The following PCDHGA7 variants were observed in gnomAD, a reference collection of about 807,000 sequenced individuals.
PCDHGA7 encodes the protein protocadherin gamma subfamily A, 7.
In PCDHGA7, 44 loss-of-function variants were observed where a neutral mutation model predicts 58.3. That is an observed-to-expected ratio of 0.75 (90% CI 0.59 to 0.97). The LOEUF is 0.97. PCDHGA7 is among the 50% of genes least tolerant of loss of function. The pLI is 0.00. For missense variants in PCDHGA7, 1,266 were observed against 1,188.7 expected (o/e 1.06, Z -0.96); for synonymous variants, 516 against 504.2 (o/e 1.02, Z -0.31).
At position 141,432,640 on chromosome 5, in the gene PCDHGA7, C is replaced by T. The variant is rs2097523683; in HGVS notation, c.2424+47317C>T. On this transcript the variant is annotated intron_variant, in intron 1 of 3. Transcript: ENST00000518325. This position sits in a 1 kb window ranked among gnomAD's most constrained non-coding sequence, Gnocchi z 6.0. ...TGGGTCTGCACACGGGCGAGGTGCG[C>T]ACGGCGCGAGCCCTGCTGGACAGAG... 1.9e-6 allele frequency: 3 copies of T among 1,613,814 alleles called. No individual in the cohort carries two copies. The highest frequency in any genetic ancestry group is 2.5e-6 in the Non-Finnish European group (3 of 1,179,932).
chr5:141,397,967 C>T (rs931333276), intron 1 of PCDHGA7: 2 of 1,110,472 alleles, frequency 1.8e-6, no homozygotes, highest in Non-Finnish European at 2.5e-6. Context: ...CTCAGACTCC[C>T]CAGCGCCGGC....
Position 141,382,996 on chromosome 5 carries a change from T to C in PCDHGA7, c.97T>C (p.Tyr33His), listed in dbSNP as rs1296495835. ...PWEAWAGRILYSVSEETDKGS... is the reference protein window; with the variant it reads ...PWEAWAGRILHSVSEETDKGS... Reference sequence around the variant, plus strand: ...GGAAGCCTGGGCAGGACGTATTCTCTACTCCGTGTCGGAGGAGACGGACAA... The same window carrying C: ...GGAAGCCTGGGCAGGACGTATTCTCCACTCCGTGTCGGAGGAGACGGACAA... The change falls in exon 1 of 4, where the codon TAC becomes CAC. Residue 33 changes from tyrosine (Y) to histidine (H), a missense_variant. By Grantham distance (83) the Tyr-to-His change is moderately conservative (BLOSUM62 2). Transcript: ENST00000518325. 6.2e-7 allele frequency: 1 copy of C among 1,613,724 alleles called. No homozygotes were observed. Among genetic ancestry groups the C allele is most frequent in the East Asian group, 2.2e-5 (1 of 44,876 alleles).
chr5:141,458,624 C>G (rs1382508302), intron 1 of PCDHGA7, among the ~76,000 whole-genome samples: 1 of 152,082 alleles, frequency 6.6e-6, no homozygotes, highest in East Asian at 1.9e-4. Context: ...GGCTGGAGTG[C>G]AGTGGCACAA....
intron 1 of PCDHGA7, among the ~76,000 whole-genome samples, chr5:141,461,764 C>T (rs1005862192): frequency 6.6e-6 from 1 of 152,118 alleles, no homozygotes; most frequent in East Asian, 1.9e-4. Context: ...AGCGATTCTC[C>T]TGCCTCAGCC....
In PCDHGA7 at chr5:141,477,200, C is replaced by A; in HGVS notation, c.2425-17607C>A. On this transcript the variant is annotated intron_variant, in intron 1 of 3. Transcript: ENST00000518325. The surrounding 1 kb of genome is among the most constrained non-coding windows in gnomAD (Gnocchi z 4.9). The stretch of plus-strand genomic sequence containing the variant: ...AGTCACCTCCGTGTACAGCCCAGTA[C>A]CCGAGGATGCCCCTCTGGGGACTGT... 6.2e-7 allele frequency: 1 copy of A among 1,614,206 alleles called. No homozygotes were observed. Among genetic ancestry groups the A allele is most frequent in the South Asian group, 1.1e-5 (1 of 91,088 alleles).
rs1043628660 is a variant in PCDHGA7, at chr5:141,478,879, G to A, written c.2425-15928G>A. On this transcript the variant is annotated intron_variant, in intron 1 of 3. Coordinates refer to ENST00000518325, the MANE Select transcript of PCDHGA7 (RefSeq NM_018920.4). ...GATCTCAGCGATCAGAGTTTAGCTT[G>A]GTATCATTTACATTAGGAATAAGCT... is the stretch of plus-strand genomic sequence containing the variant. 9 of 1,243,630 alleles carry A rather than the reference G, an allele frequency of 7.2e-6. No homozygotes were observed. The African/African-American group carries it at 1.1e-4, about 15-fold the overall frequency. The allele number at this position is 1,243,630 out of a possible 1,614,324, so 77.0% of individuals were successfully genotyped here.
At chr5:141,387,036 C>G (rs1026680473) in intron 1 of PCDHGA7, among the ~76,000 whole-genome samples, 1 of 152,116 alleles carries the variant, frequency 6.6e-6, no homozygotes, top group Non-Finnish European at 1.5e-5. Flanking sequence ...ATTTCATAAC[C>G]AGTAAAATAA....
chr5:141,429,528 A>T (rs1405050386), intron 1 of PCDHGA7, among the ~76,000 whole-genome samples: 1 of 152,166 alleles, frequency 6.6e-6, no homozygotes, highest in African/African-American at 2.4e-5. Context: ...AAAAAAGCTT[A>T]AAAAAATAAG....
At position 141,485,291 on chromosome 5, in the gene PCDHGA7, C is replaced by A. The variant is rs114678203; in HGVS notation, c.2425-9516C>A. 436 of 1,614,150 alleles carry A rather than the reference C, an allele frequency of 2.7e-4. No homozygotes were observed. Among genetic ancestry groups the A allele is most frequent in the Middle Eastern group, 8.2e-4 (5 of 6,062 alleles). Reference sequence around the variant, plus strand: ...CCGCTACCCGGTCCCAGAGGAGTCACAGGAAGGGACTTTTGTAGGGAATGT... The same window carrying A: ...CCGCTACCCGGTCCCAGAGGAGTCAAAGGAAGGGACTTTTGTAGGGAATGT... On this transcript the variant is annotated intron_variant, in intron 1 of 3. Coordinates refer to ENST00000518325, the MANE Select transcript of PCDHGA7 (RefSeq NM_018920.4). The surrounding 1 kb of genome is among the most constrained non-coding windows in gnomAD (Gnocchi z 5.7).
intron 3 of PCDHGA7, among the ~76,000 whole-genome samples, chr5:141,506,038 G>C (rs2099850248): frequency 6.6e-6 from 1 of 152,174 alleles, no homozygotes; most frequent in South Asian, 2.1e-4. Context: ...GTAGGATTCT[G>C]GTTTTCCCAT....
At chr5:141,421,880 G>C in intron 1 of PCDHGA7, 1 of 1,613,718 alleles carries the variant, frequency 6.2e-7, no homozygotes, top group Admixed American at 1.7e-5. Flanking sequence ...GCTTTAGATG[G>C]AGGCGATCCC....
Position 141,384,715 on chromosome 5 carries a change from T to C in PCDHGA7, c.1816T>C (p.Tyr606His). 1 of 1,614,088 alleles carries C rather than the reference T, an allele frequency of 6.2e-7. No homozygotes were observed. Residue 606 changes from tyrosine to histidine, a missense_variant, in exon 1 of 4, where the codon TAC (tyrosine) becomes CAC (histidine). Coordinates refer to ENST00000518325, the MANE Select transcript of PCDHGA7 (RefSeq NM_018920.4). ...KDSGQNAWLSYLLLKASEPGL... is the reference protein window; with the variant it reads ...KDSGQNAWLSHLLLKASEPGL... ...TTCAGGCCAGAACGCCTGGCTGTCA[T>C]ACCTCCTGCTTAAGGCCAGCGAGCC... is the stretch of plus-strand genomic sequence containing the variant.
At chr5:141,459,606 T>G (rs1430790771) in intron 1 of PCDHGA7, among the ~76,000 whole-genome samples, 1 of 152,250 alleles carries the variant, frequency 6.6e-6, no homozygotes, top group Non-Finnish European at 1.5e-5. Context: ...GGGAAGTATA[T>G]GCTTAACTTT....
intron 1 of PCDHGA7, among the ~76,000 whole-genome samples, chr5:141,430,247 G>T (rs1003479541): frequency 9.7e-6 from 1 of 102,928 alleles, no homozygotes; most frequent in Non-Finnish European, 1.8e-5. Flanking sequence ...AACTCCTAGG[G>T]AGACATCTCC....
chr5:141,422,062 A>C, intron 1 of PCDHGA7: 4 of 1,612,140 alleles, frequency 2.5e-6, no homozygotes, highest in Non-Finnish European at 3.4e-6. Context: ...CGGGGAAGTA[A>C]TGTATTCATT....
intron 1 of PCDHGA7, chr5:141,395,547 TGTGTGTGTGTGTGTGTGTGTGTGTGTG>T: frequency 5.8e-6 from 1 of 173,894 alleles, no homozygotes; most frequent in Non-Finnish European, 1.2e-5. Flanking sequence ...ATTGTTTGTG[TGTGTGTGTGTGTGTGTGTGTGTGTGTG>T]TGTGTGTGTG....
rs547284271 is a variant in PCDHGA7 at position 141,489,064 on chromosome 5, C to G, written c.2425-5743C>G. On this transcript the variant is annotated intron_variant, in intron 1 of 3. Coordinates refer to ENST00000518325, the MANE Select transcript of PCDHGA7 (RefSeq NM_018920.4). This position sits in a 1 kb window ranked among gnomAD's most constrained non-coding sequence, Gnocchi z 4.5. ...TCCACTCAAATTCAGCTCCCCTCCC[C>G]CCTGCCCACCCCCGCCACTCGGTGA... 1.9e-4 allele frequency: 74 copies of G among 387,742 alleles called. No homozygotes were observed. The highest frequency in any genetic ancestry group is 1.5e-3 in the African/African-American group (70 of 47,296). The allele number at this position is 387,742 out of a possible 1,614,324, so 24.0% of individuals were successfully genotyped here. A position where few individuals can be genotyped will look rare whatever the true frequency, so the allele number is the denominator to read the frequency against.
intron 1 of PCDHGA7, chr5:141,418,233 ATGT>A: frequency 6.2e-7 from 1 of 1,614,048 alleles, no homozygotes; most frequent in Admixed American, 1.7e-5. Context: ...GTGATTGAGG[ATGT>A]TAATGACCAC....
intron 1 of PCDHGA7, chr5:141,417,619 C>A: frequency 1.5e-6 from 1 of 656,120 alleles, no homozygotes; most frequent in South Asian, 2.4e-5. Flanking sequence ...CAGTGCAGAG[C>A]AAGCGCTGAC....
Sources: gnomAD v4.1 joint callset for allele counts (sites outside exome capture counted in the v4.1 genomes callset) on GRCh38, gnomAD v4.1.1 for gene constraint, Gnocchi (gnomAD v3.1) non-coding constraint, MANE v1.5 for transcripts, NCBI Gene and HGNC (gene_info 2026-07-23, HGNC 2026-07-21) for gene names.